GLYATL1: variants seen among roughly 807,000 people sequenced by gnomAD.
The protein encoded by GLYATL1 is glycine N-acyltransferase-like protein 1.
Under a neutral mutation model 20.0 loss-of-function variants are expected in GLYATL1, and 15 were observed. The observed-to-expected ratio is 0.75, with a 90% CI of 0.50 to 1.15. The LOEUF (loss-of-function observed/expected upper bound fraction) is 1.15. GLYATL1 is among the 50% of genes most tolerant of loss of function. The pLI is 0.00. For missense variants in GLYATL1, 380 were observed against 368.5 expected (o/e 1.03, Z -0.26); for synonymous variants, 151 against 131.5 (o/e 1.15, Z -1.01).
At chr11:58,947,720 G>A in intron 3 of GLYATL1, 138 bp from the exon 4 acceptor site, 1 of 661,804 alleles carries the variant, frequency 1.5e-6, no homozygotes, top group Non-Finnish European at 2.7e-6. Flanking sequence ...TCCTCTCCAG[G>A]ACCATACTGC....
At chr11:58,946,820 G>C (rs1856597180) in intron 2 of GLYATL1, 1 of 582,808 alleles carries the variant, frequency 1.7e-6, no homozygotes, top group Non-Finnish European at 3.1e-6. Flanking sequence ...AGGGAGGAAG[G>C]GCATGGGTTT....
chr11:58,905,847 A>G (rs1315315864), intron 1 of GLYATL1, among the ~76,000 whole-genome samples: 4 of 152,110 alleles, frequency 2.6e-5, no homozygotes, highest in African/African-American at 9.7e-5. Flanking sequence ...CTCTTCAATC[A>G]CTGTCTGGAG....
intron 1 of GLYATL1, chr11:58,934,403 TGTG>T (rs971969117): frequency 9.2e-5 from 14 of 152,330 alleles, no homozygotes; most frequent in African/African-American, 3.4e-4. Context: ...GGCCTAGGGC[TGTG>T]GTGAGATGGG....
intron 1 of GLYATL1, among the ~76,000 whole-genome samples, chr11:58,930,501 T>G (rs1855557902): frequency 1.3e-5 from 2 of 152,204 alleles, no homozygotes; most frequent in Non-Finnish European, 2.9e-5. Flanking sequence ...TAAAAAGATT[T>G]ATAGATAAAA....
At chr11:58,947,716 C>T (rs1030702534) in intron 3 of GLYATL1, 142 bp from the exon 4 acceptor site, 8 of 651,058 alleles carry the variant, frequency 1.2e-5, no homozygotes, top group Non-Finnish European at 2.2e-5. Context: ...ATGGTCCTCT[C>T]CAGGACCATA....
chr11:58,930,726 C>T (rs775368921), intron 1 of GLYATL1, among the ~76,000 whole-genome samples: 2 of 152,132 alleles, frequency 1.3e-5, no homozygotes, highest in East Asian at 1.9e-4. Flanking sequence ...AAAAATGTGA[C>T]ATAAGTCAAT....
chr11:58,905,536 C>T (rs1236484821), exon 1 of GLYATL1: 1 of 456,186 alleles, frequency 2.2e-6, no homozygotes, highest in Non-Finnish European at 4.4e-6. Context: ...GCGGAAAAAG[C>T]GCGAAACCGC....
At chr11:58,911,036 T>C (rs548502919), downstream of GLYATL1, among the ~76,000 whole-genome samples, 204 of 152,358 alleles carry the variant, frequency 1.3e-3, no homozygotes, top group African/African-American at 4.7e-3. Flanking sequence ...TACTCTAGTG[T>C]TGCCTTTTCC....
At position 58,956,282 on chromosome 11, in the gene GLYATL1, T is replaced by C. The variant is rs937104841; in HGVS notation, c.*255T>C. The C allele has an allele frequency of 3.1e-5, 14 of 455,156 alleles. No homozygotes were observed. The highest frequency in any genetic ancestry group is 2.1e-4 in the African/African-American group (11 of 51,824). The allele number at this position is 455,156 out of a possible 1,614,324, so 28.2% of individuals were successfully genotyped here. A position where few individuals can be genotyped will look rare whatever the true frequency, so the allele number is the denominator to read the frequency against. On this transcript the variant is annotated 3_prime_UTR_variant, in exon 7 of 7. Coordinates refer to ENST00000532726, the MANE Select transcript of GLYATL1 (RefSeq NM_001389712.2). ...GGAAAGACGGGGTTACCAGTAAACA[T>C]GTAACTAGAAAGCCAGGCTCAGTTC...
Position 58,947,573 on chromosome 11 carries a change from G to C in GLYATL1, c.79-285G>C, listed in dbSNP as rs1856664601. On this transcript the variant is annotated intron_variant, in intron 3 of 6. Transcript: ENST00000532726. ...ACCGCTTAAAGTTGCTATGGACACTGAATAAATCTATACAATATAAATGCT... is the reference window on the plus strand; with the variant it reads ...ACCGCTTAAAGTTGCTATGGACACTCAATAAATCTATACAATATAAATGCT... 5 of 472,584 alleles carry C rather than the reference G, an allele frequency of 1.1e-5. No homozygotes were observed. The South Asian group carries it at 1.4e-4, about 14-fold the overall frequency. 29.3% of individuals were successfully genotyped at this position (472,584 alleles called of 1,614,324 possible).
upstream of GLYATL1, among the ~76,000 whole-genome samples, chr11:58,927,339 T>G (rs949695522): frequency 6.6e-6 from 1 of 152,258 alleles, no homozygotes. Context: ...TAATTTGGGA[T>G]GTCACTTGTA....
At chr11:58,936,472 G>A (rs956766812), upstream of GLYATL1, among the ~76,000 whole-genome samples, 4 of 152,206 alleles carry the variant, frequency 2.6e-5, no homozygotes, top group African/African-American at 9.6e-5. Context: ...TCCCTTTCAG[G>A]AAGTTAGGCA....
upstream of GLYATL1, among the ~76,000 whole-genome samples, chr11:58,923,521 A>C (rs1855356771): frequency 6.6e-6 from 1 of 152,166 alleles, no homozygotes; most frequent in Admixed American, 6.5e-5. Flanking sequence ...GGAAAGCGGG[A>C]ATTGGTGGCA....
downstream of GLYATL1, among the ~76,000 whole-genome samples, chr11:58,911,181 C>T (rs1323439659): frequency 3.3e-5 from 5 of 152,172 alleles, no homozygotes; most frequent in Non-Finnish European, 5.9e-5. Context: ...TGCTGAGTAA[C>T]ATTCCACTGT....
chr11:58,915,905 A>C (rs1855159859), intron 1 of GLYATL1, among the ~76,000 whole-genome samples: 2 of 135,914 alleles, frequency 1.5e-5, no homozygotes, highest in Admixed American at 7.4e-5. Context: ...CCTCTTTCTC[A>C]CTCTAGAGGG....
intron 4 of GLYATL1, among the ~76,000 whole-genome samples, chr11:58,953,899 C>G (rs1307965878): frequency 6.6e-6 from 1 of 152,174 alleles, no homozygotes; most frequent in African/African-American, 2.4e-5. Context: ...GAGAAACATC[C>G]TCATCTTCCA....
chr11:58,909,096 A>G (rs1166351742), downstream of GLYATL1, among the ~76,000 whole-genome samples: 1 of 152,204 alleles, frequency 6.6e-6, no homozygotes, highest in Non-Finnish European at 1.5e-5. Flanking sequence ...TGAGACATAA[A>G]CAAGTGATTT....
upstream of GLYATL1, among the ~76,000 whole-genome samples, chr11:58,926,274 A>G (rs1184443892): frequency 2.0e-5 from 3 of 152,164 alleles, no homozygotes; most frequent in Non-Finnish European, 4.4e-5. Flanking sequence ...TGGTGGAAAA[A>G]TTGATGCGAT....
At chr11:58,908,691 A>T (rs1015660996), downstream of GLYATL1, 1 of 152,326 alleles carries the variant, frequency 6.6e-6, no homozygotes. Context: ...GAGCTCATAC[A>T]CATAAGTGCT....
Sources: gnomAD v4.1 joint callset for allele counts (sites outside exome capture counted in the v4.1 genomes callset) on GRCh38, gnomAD v4.1.1 for gene constraint, MANE v1.5 for transcripts, NCBI Gene and HGNC (gene_info 2026-07-23, HGNC 2026-07-21) for gene names.